NPY: variants seen among roughly 807,000 people sequenced by gnomAD.
The protein encoded by NPY is neuropeptide Y.
A neutral mutation model predicts 13.2 loss-of-function variants in NPY; 11 were observed. That is an observed-to-expected ratio of 0.83 (90% CI 0.52 to 1.38). The LOEUF is 1.38. Ranked by LOEUF, NPY falls within the 40% of genes most tolerant of loss-of-function variation. The pLI, the probability that NPY is intolerant of heterozygous loss-of-function variation, is 0.00. For missense variants in NPY, 109 were observed against 125.1 expected, an observed-to-expected ratio of 0.87 and a Z score of 0.61; for synonymous variants, 51 against 55.6, an observed-to-expected ratio of 0.92 and a Z score of 0.37.
At chr7:24,289,628 C>T in intron 3 of NPY, 49 bp downstream of exon 3, 1 of 1,478,890 alleles carries the variant, frequency 6.8e-7, no homozygotes, top group South Asian at 1.2e-5. Context: ...TCAAGGTGCC[C>T]AGGGGAGGGA....
At chr7:24,284,384 G>T (rs545638185) in intron 1 of NPY, 109 bp downstream of exon 1, 2 of 152,570 alleles carry the variant, frequency 1.3e-5, no homozygotes, top group South Asian at 4.1e-4. Flanking sequence ...TGGGATGATC[G>T]CGCTCCACTC....
rs1164942182 is a variant in NPY at position 24,285,478 on chromosome 7, A to G, written c.188+50A>G. 6.4e-7 allele frequency: 1 copy of G among 1,563,454 alleles called. No individual in the cohort carries two copies. ...CCGGGAGCGCCAGTGCCTGCACACC[A>G]GGAGATCCTGGGGATGTTAGGGAAA... On this transcript the variant is annotated intron_variant, in intron 2 of 3. Coordinates refer to ENST00000242152, the MANE Select transcript of NPY (RefSeq NM_000905.4). The surrounding 1 kb of genome is among the most constrained non-coding windows in gnomAD (Gnocchi z 4.9).
chr7:24,287,684 G>A (rs956679601), intron 2 of NPY, among the ~76,000 whole-genome samples: 2 of 151,924 alleles, frequency 1.3e-5, no homozygotes, highest in Admixed American at 6.6e-5. Context: ...ACTGGAGGTG[G>A]GCACTGCTGG....
chr7:24,289,600 G>T (rs1306721746), intron 3 of NPY, 21 bp downstream of exon 3: 2 of 1,595,042 alleles, frequency 1.3e-6, no homozygotes. Context: ...GCTTGTGATG[G>T]GGACATTGTT....
Position 24,285,617 on chromosome 7 carries a change from T to C in NPY, c.188+189T>C, listed in dbSNP as rs1193164627. Among the ~76,000 whole-genome samples the C allele has an allele frequency of 6.6e-6, 1 of 152,052 alleles. No homozygotes were observed. The highest frequency in any genetic ancestry group is 1.5e-5 in the Non-Finnish European group (1 of 67,990). On this transcript the variant is annotated intron_variant, in intron 2 of 3. Coordinates refer to ENST00000242152, the MANE Select transcript of NPY (RefSeq NM_000905.4). The surrounding 1 kb of genome is among the most constrained non-coding windows in gnomAD (Gnocchi z 4.9). ...CTCTACACAAAATGGGTACCTTCCATTTTGTGCAACTACAGTCACAGAGTC... is the reference window on the plus strand; with the variant it reads ...CTCTACACAAAATGGGTACCTTCCACTTTGTGCAACTACAGTCACAGAGTC...
At chr7:24,289,053 A>C (rs1473736809) in intron 2 of NPY, among the ~76,000 whole-genome samples, 1 of 152,170 alleles carries the variant, frequency 6.6e-6, no homozygotes, top group East Asian at 1.9e-4. Context: ...CTGTCTTTGA[A>C]ATATCATCTG....
chr7:24,287,635 G>A (rs1787441728), intron 2 of NPY, among the ~76,000 whole-genome samples: 1 of 152,118 alleles, frequency 6.6e-6, no homozygotes. Context: ...CTCCCCAGGT[G>A]TGATTTGGCA....
rs1294726346 is a variant in NPY, at chr7:24,285,110, G to A, written c.1-131G>A. ...AGCCACTCCTGGGTTCTCTCTGCGG[G>A]ACTGGGACGAGAGCGGATTGGGGGT... On this transcript the variant is annotated intron_variant, in intron 1 of 3. Transcript: ENST00000242152. The surrounding 1 kb of genome is among the most constrained non-coding windows in gnomAD (Gnocchi z 4.9). 2 of 963,710 alleles carry A rather than the reference G, an allele frequency of 2.1e-6. No individual in the cohort carries two copies. The highest frequency in any genetic ancestry group is 4.8e-5 in the East Asian group (2 of 41,428). 59.7% of individuals were successfully genotyped at this position (963,710 alleles called of 1,614,324 possible).
chr7:24,290,126 T>C (rs755362321), intron 3 of NPY, among the ~76,000 whole-genome samples: 1 of 152,236 alleles, frequency 6.6e-6, no homozygotes, highest in Admixed American at 6.5e-5. Flanking sequence ...ATTCAACGAA[T>C]GCACGTTGAA....
chr7:24,291,731 C>T lies in NPY; in HGVS notation c.*44C>T, dbSNP rs1215610420. 1 of 1,611,994 alleles carries T rather than the reference C, an allele frequency of 6.2e-7. No individual in the cohort carries two copies. Among genetic ancestry groups the T allele is most frequent in the South Asian group, 1.1e-5 (1 of 90,924 alleles). Reference sequence around the variant, plus strand: ...CTCTGGCCTTTTCCTATTTTCAGCCCATATTTCATCGTGTAAAACGAGAAT... The same window carrying T: ...CTCTGGCCTTTTCCTATTTTCAGCCTATATTTCATCGTGTAAAACGAGAAT... On this transcript the variant is annotated 3_prime_UTR_variant, in exon 4 of 4. Coordinates refer to ENST00000242152, the MANE Select transcript of NPY (RefSeq NM_000905.4).
Position 24,285,984 on chromosome 7 carries a change from T to G in NPY, c.188+556T>G, listed in dbSNP as rs556532188. 6.6e-6 allele frequency among the ~76,000 whole-genome samples: 1 copy of G among 152,346 alleles called. No individual in the cohort carries two copies. The highest frequency in any genetic ancestry group is 6.5e-5 in the Admixed American group (1 of 15,312). On this transcript the variant is annotated intron_variant, in intron 2 of 3. Coordinates refer to ENST00000242152, the MANE Select transcript of NPY (RefSeq NM_000905.4). The surrounding 1 kb of genome is among the most constrained non-coding windows in gnomAD (Gnocchi z 4.9). ...TTTCTTTTCTTCTTCACTGTGTTTTTTTTGCAGTCTCACTCCCATATTTGA... is the reference window on the plus strand; with the variant it reads ...TTTCTTTTCTTCTTCACTGTGTTTTGTTTGCAGTCTCACTCCCATATTTGA...
intron 2 of NPY, among the ~76,000 whole-genome samples, chr7:24,287,070 A>T (rs1473601500): frequency 2.0e-5 from 3 of 152,196 alleles, no homozygotes; most frequent in Non-Finnish European, 4.4e-5. Context: ...ATGACATTTC[A>T]TGGAAGCTAT....
intron 2 of NPY, among the ~76,000 whole-genome samples, chr7:24,288,601 G>A (rs1787476824): frequency 6.8e-6 from 1 of 146,238 alleles, no homozygotes; most frequent in South Asian, 2.2e-4. Context: ...GTTTTGTAGT[G>A]TTCTGGAGTG....
At chr7:24,287,992 A>G (rs966236308) in intron 2 of NPY, among the ~76,000 whole-genome samples, 3 of 152,198 alleles carry the variant, frequency 2.0e-5, no homozygotes, top group African/African-American at 7.2e-5. Flanking sequence ...TAAGGACTCA[A>G]TCTTTGAAAG....
intron 3 of NPY, 31 bp from the exon 4 acceptor site, chr7:24,291,632 C>T (rs776236332): frequency 6.2e-7 from 1 of 1,613,856 alleles, no homozygotes; most frequent in Admixed American, 1.7e-5. Context: ...GGGCAGCTTT[C>T]CTTACATGCT....
chr7:24,291,619 G>A (rs922877784), intron 3 of NPY, 44 bp from the exon 4 acceptor site: 1 of 1,612,970 alleles, frequency 6.2e-7, no homozygotes, highest in Middle Eastern at 1.6e-4. Context: ...ACCTCAGGAA[G>A]TTGGGCAGCT....
chr7:24,284,370 G>T (rs16145), intron 1 of NPY, 95 bp downstream of exon 1: 74,084 of 152,322 alleles, frequency 0.49, 18,688 homozygotes, highest in East Asian at 0.67. Context: ...GAGCCCTGGG[G>T]CCCTGGGATG....
intron 2 of NPY, among the ~76,000 whole-genome samples, chr7:24,288,975 G>A (rs1210466159): frequency 1.3e-5 from 2 of 152,140 alleles, no homozygotes; most frequent in African/African-American, 2.4e-5. Context: ...TTTTACAAAC[G>A]AGAAAATTGG....
In NPY at chr7:24,291,775, C is replaced by T. The variant is rs563749873; in HGVS notation, c.*88C>T. Reference sequence around the variant, plus strand: ...CGAGAATCCACCCATCCTACCAATGCATGCAGCCACTGTGCTGAATTCTGC... The same window carrying T: ...CGAGAATCCACCCATCCTACCAATGTATGCAGCCACTGTGCTGAATTCTGC... On this transcript the variant is annotated 3_prime_UTR_variant, in exon 4 of 4. Coordinates refer to ENST00000242152, the MANE Select transcript of NPY (RefSeq NM_000905.4). 1 of 1,407,486 alleles carries T rather than the reference C, an allele frequency of 7.1e-7. No individual in the cohort carries two copies. The highest frequency in any genetic ancestry group is 1.4e-5 in the African/African-American group (1 of 70,840). The allele number at this position is 1,407,486 out of a possible 1,614,324, so 87.2% of individuals were successfully genotyped here. A position where few individuals can be genotyped will look rare whatever the true frequency, so the allele number is the denominator to read the frequency against.
Sources: gnomAD v4.1 joint callset for allele counts (sites outside exome capture counted in the v4.1 genomes callset) on GRCh38, gnomAD v4.1.1 for gene constraint, Gnocchi (gnomAD v3.1) non-coding constraint, MANE v1.5 for transcripts, NCBI Gene and HGNC (gene_info 2026-07-23, HGNC 2026-07-21) for gene names.